The following RAD51B variants were observed in gnomAD, a reference collection of about 807,000 sequenced individuals.
The protein encoded by RAD51B is DNA repair protein RAD51 homolog 2.
Under a neutral mutation model 42.2 loss-of-function variants are expected in RAD51B, and 38 were observed. The observed-to-expected ratio is 0.90, with a 90% CI of 0.70 to 1.18. The LOEUF (loss-of-function observed/expected upper bound fraction) is 1.18, where lower values mean the gene tolerates loss of function less well. RAD51B is among the 50% of genes most tolerant of loss of function. The pLI is 0.00. For synonymous variants in RAD51B, 154 were observed against 145.2 expected (o/e 1.06, Z -0.43); for missense variants, 373 against 400.7 (o/e 0.93, Z 0.59).
intron 10 of RAD51B, among the ~76,000 whole-genome samples, chr14:68,506,244 A>G (rs1885310093): frequency 6.6e-6 from 1 of 152,210 alleles, no homozygotes; most frequent in African/African-American, 2.4e-5. Context: ...ACACATAAAG[A>G]AATCTCTGAA....
chr14:68,182,747 G>A (rs1470343879), intron 7 of RAD51B, among the ~76,000 whole-genome samples: 1 of 152,174 alleles, frequency 6.6e-6, no homozygotes, highest in Non-Finnish European at 1.5e-5. Context: ...TCACCTTCCG[G>A]GGAAAATGTT....
At chr14:68,434,776 G>A (rs563098374) in intron 9 of RAD51B, among the ~76,000 whole-genome samples, 60 of 152,256 alleles carry the variant, frequency 3.9e-4, no homozygotes, top group South Asian at 1.0e-3. Context: ...GACAAGCCCC[G>A]GTGAGATGAA....
chr14:68,096,036 A>G (rs566332628), intron 7 of RAD51B, among the ~76,000 whole-genome samples: 1 of 151,576 alleles, frequency 6.6e-6, no homozygotes, highest in Non-Finnish European at 1.5e-5. Context: ...TTCGAGGGCC[A>G]TAGAGTAATA....
chr14:68,541,526 C>T, intron 10 of RAD51B: 2 of 985,436 alleles, frequency 2.0e-6, no homozygotes, highest in Non-Finnish European at 2.4e-6. Context: ...GCCTTGGAAA[C>T]TCATGCAGGT....
At chr14:68,059,909 T>G (rs1372486422) in intron 7 of RAD51B, among the ~76,000 whole-genome samples, 1 of 152,224 alleles carries the variant, frequency 6.6e-6, no homozygotes, top group Non-Finnish European at 1.5e-5. Context: ...GTTTTCCTCT[T>G]TGTTACAGTT....
At chr14:68,118,395 C>T (rs1189667341) in intron 7 of RAD51B, among the ~76,000 whole-genome samples, 2 of 152,172 alleles carry the variant, frequency 1.3e-5, no homozygotes, top group Admixed American at 1.3e-4. Flanking sequence ...TATGCTGTTC[C>T]AACCTGTGAC....
intron 7 of RAD51B, among the ~76,000 whole-genome samples, chr14:68,189,176 A>G (rs967761502): frequency 6.6e-6 from 1 of 152,138 alleles, no homozygotes; most frequent in Non-Finnish European, 1.5e-5. Context: ...AAAGTACACA[A>G]ATCATAAGTA....
At chr14:68,398,118 C>T (rs1384589628) in intron 8 of RAD51B, among the ~76,000 whole-genome samples, 1 of 152,236 alleles carries the variant, frequency 6.6e-6, no homozygotes, top group East Asian at 1.9e-4. Flanking sequence ...CTCTCCAGTG[C>T]CAGGGCAGCA....
intron 7 of RAD51B, among the ~76,000 whole-genome samples, chr14:68,105,777 A>G (rs559827151): frequency 6.6e-6 from 1 of 152,066 alleles, no homozygotes; most frequent in South Asian, 2.1e-4. Flanking sequence ...AATGAAAGCA[A>G]CCACTTTTGT....
chr14:68,298,663 G>T (rs2081659641), intron 8 of RAD51B, among the ~76,000 whole-genome samples: 1 of 152,220 alleles, frequency 6.6e-6, no homozygotes, highest in Non-Finnish European at 1.5e-5. Context: ...ATCTTTGTCA[G>T]TTGCCTCAGC....
chr14:68,659,107 C>T (rs891460620), intron 11 of RAD51B, among the ~76,000 whole-genome samples: 11 of 152,314 alleles, frequency 7.2e-5, no homozygotes, highest in East Asian at 1.9e-4. Flanking sequence ...GAGTGGACAG[C>T]GCTGGGGGAA....
At chr14:68,105,089 T>A (rs2077354069) in intron 7 of RAD51B, among the ~76,000 whole-genome samples, 1 of 151,964 alleles carries the variant, frequency 6.6e-6, no homozygotes. Context: ...GAAAAATATT[T>A]ACTTTAAACT....
chr14:68,020,214 A>G (rs995491212), intron 7 of RAD51B, among the ~76,000 whole-genome samples: 1 of 152,038 alleles, frequency 6.6e-6, no homozygotes, highest in African/African-American at 2.4e-5. Context: ...GGCTCAAGCA[A>G]TCCTCCCAGC....
chr14:68,181,989 A>T (rs2079069156), intron 7 of RAD51B, among the ~76,000 whole-genome samples: 1 of 152,172 alleles, frequency 6.6e-6, no homozygotes. Context: ...GAATATAATG[A>T]TGTATGCATT....
intron 9 of RAD51B, among the ~76,000 whole-genome samples, chr14:68,455,626 A>G (rs1406648848): frequency 6.6e-6 from 1 of 152,168 alleles, no homozygotes; most frequent in South Asian, 2.1e-4. Context: ...AGGCTGAGGC[A>G]GGAGAATGGC....
chr14:68,367,757 C>T (rs940462590), intron 8 of RAD51B, among the ~76,000 whole-genome samples: 22 of 152,132 alleles, frequency 1.4e-4, no homozygotes, highest in African/African-American at 5.1e-4. Flanking sequence ...CACTGTTATT[C>T]GTCTTTTAAA....
chr14:67,990,734 G>A (rs2075282143), intron 7 of RAD51B, among the ~76,000 whole-genome samples: 1 of 152,142 alleles, frequency 6.6e-6, no homozygotes, highest in South Asian at 2.1e-4. Context: ...GGCATAGTAT[G>A]TTTTATCTGT....
chr14:68,003,404 G>A (rs554180488), intron 7 of RAD51B, among the ~76,000 whole-genome samples: 116 of 152,294 alleles, frequency 7.6e-4, no homozygotes, highest in African/African-American at 2.7e-3. Context: ...GCTTATCAGC[G>A]TAAGAAGCTT....
chr14:67,940,097 G>T (rs2045144540), intron 7 of RAD51B, among the ~76,000 whole-genome samples: 1 of 62,658 alleles, frequency 1.6e-5, no homozygotes, highest in African/African-American at 6.2e-5. Context: ...TTTTTGAGAT[G>T]GAATCTCACT....
Sources: gnomAD v4.1 joint callset for allele counts (sites outside exome capture counted in the v4.1 genomes callset) on GRCh38, gnomAD v4.1.1 for gene constraint, MANE v1.5 for transcripts, NCBI Gene and HGNC (gene_info 2026-07-23, HGNC 2026-07-21) for gene names.